ADH7: variants seen among roughly 807,000 people sequenced by gnomAD.
ADH7 encodes the protein alcohol dehydrogenase 7 (class IV), mu or sigma polypeptide.
Under a neutral mutation model 34.4 loss-of-function variants are expected in ADH7, and 41 were observed. That is an observed-to-expected ratio of 1.19 (90% confidence interval 0.93 to 1.55). The LOEUF is 1.55. Among genes scored for constraint, ADH7 ranks in the 40% most tolerant of loss-of-function variants. ADH7 has a pLI of 0.00. For missense variants in ADH7, 540 were observed against 461.2 expected (o/e 1.17, Z -1.56); for synonymous variants, 180 against 160.9 (o/e 1.12, Z -0.90).
chr4:99,427,219 A>G (rs908649848), intron 5 of ADH7, among the ~76,000 whole-genome samples: 1 of 152,228 alleles, frequency 6.6e-6, no homozygotes, highest in Non-Finnish European at 1.5e-5. Context: ...TAACAGCATT[A>G]CTGATAATAG....
intron 8 of ADH7, 119 bp from the exon 9 acceptor site, chr4:99,413,291 A>ACCACT: frequency 8.7e-7 from 1 of 1,145,636 alleles, no homozygotes; most frequent in Non-Finnish European, 1.3e-6. Flanking sequence ...GTTATTGGAA[A>ACCACT]TCCTCTGGGC....
At chr4:99,414,492 T>C (rs1560559091) in intron 8 of ADH7, among the ~76,000 whole-genome samples, 1 of 152,104 alleles carries the variant, frequency 6.6e-6, no homozygotes, top group Non-Finnish European at 1.5e-5. Flanking sequence ...CTCCATGAGG[T>C]AGATGTTGTA....
At chr4:99,432,152 A>G (rs1327479228) in intron 1 of ADH7, among the ~76,000 whole-genome samples, 1 of 152,138 alleles carries the variant, frequency 6.6e-6, no homozygotes, top group Non-Finnish European at 1.5e-5. Flanking sequence ...AAATAAGATC[A>G]TATTCTTTGC....
chr4:99,426,695 C>T (rs978214520), intron 5 of ADH7, among the ~76,000 whole-genome samples: 14 of 152,166 alleles, frequency 9.2e-5, no homozygotes, highest in Non-Finnish European at 2.1e-4. Flanking sequence ...AGGGAATCCT[C>T]CCTAACTCAT....
intron 1 of ADH7, among the ~76,000 whole-genome samples, chr4:99,430,684 C>T (rs1721919074): frequency 6.6e-6 from 1 of 152,146 alleles, no homozygotes; most frequent in Admixed American, 6.6e-5. Flanking sequence ...TTACCCTCTG[C>T]CTTACTAATG....
In ADH7 at chr4:99,413,082, G is replaced by A. The variant is rs1325965648; in HGVS notation, c.*66C>T. 12 of 1,512,606 alleles carry A rather than the reference G, an allele frequency of 7.9e-6. No individual in the cohort carries two copies. The highest frequency in any genetic ancestry group is 1.4e-5 in the African/African-American group (1 of 72,348). The allele number at this position is 1,512,606 out of a possible 1,614,324, so 93.7% of individuals were successfully genotyped here. The stretch of plus-strand genomic sequence containing the variant: ...GTGAGACAGATACATGATTTCAGAT[G>A]AGGGAACTCTCACAAGAGAAACTCC... On this transcript the variant is annotated 3_prime_UTR_variant, in exon 9 of 9. Coordinates refer to ENST00000437033, the MANE Select transcript of ADH7 (RefSeq NM_000673.7).
Position 99,429,561 on chromosome 4 carries a change from G to A in ADH7, c.91C>T (p.Pro31Ser). 3 of 1,612,124 alleles carry A rather than the reference G, an allele frequency of 1.9e-6. No individual in the cohort carries two copies. Among genetic ancestry groups the A allele is most frequent in the Non-Finnish European group, 2.5e-6 (3 of 1,179,064 alleles). ...PFSIEEIEVA[P>S]PKTKEVRIKI... ...ATGCGAACTTCTTTAGTCTTTGGTGGGGCAACTTCTATTTCCTCAATGGAG... is the reference window on the plus strand; with the variant it reads ...ATGCGAACTTCTTTAGTCTTTGGTGAGGCAACTTCTATTTCCTCAATGGAG... Residue 31 changes from proline to serine, a missense_variant, in exon 2 of 9, where the codon CCA becomes TCA. Physicochemically the swap from Pro to Ser is moderately conservative, Grantham distance 74. Transcript: ENST00000437033.
chr4:99,426,740 G>A (rs1187866869), intron 5 of ADH7, among the ~76,000 whole-genome samples: 1 of 152,072 alleles, frequency 6.6e-6, no homozygotes, highest in East Asian at 1.9e-4. Context: ...TATCAAAGCT[G>A]GGTAGAGACA....
chr4:99,425,710 C>G (rs1162917350), intron 5 of ADH7, among the ~76,000 whole-genome samples: 14 of 148,958 alleles, frequency 9.4e-5, no homozygotes, highest in Admixed American at 2.7e-4. Context: ...CCAAGTGGAC[C>G]TAATAGACAT....
intron 8 of ADH7, among the ~76,000 whole-genome samples, chr4:99,414,543 C>A (rs1418337482): frequency 6.6e-6 from 1 of 152,094 alleles, no homozygotes. Context: ...TCTATCCTTG[C>A]CCAACCCTCA....
rs1392629907 is a variant in ADH7 at position 99,413,062 on chromosome 4, A to G, written c.*86T>C. The G allele has an allele frequency of 1.5e-6, 2 of 1,358,810 alleles. No homozygotes were observed. The highest frequency in any genetic ancestry group is 2.1e-6 in the Non-Finnish European group (2 of 955,836). 84.2% of individuals were successfully genotyped at this position (1,358,810 alleles called of 1,614,324 possible). A position where few individuals can be genotyped will look rare whatever the true frequency, so the allele number is the denominator to read the frequency against. ...TTCTACTTATGCTTGTATTTGTGAG[A>G]CAGATACATGATTTCAGATGAGGGA... is the stretch of plus-strand genomic sequence containing the variant. On this transcript the variant is annotated 3_prime_UTR_variant, in exon 9 of 9. Transcript: ENST00000437033.
At chr4:99,423,155 G>A (rs1287381475) in intron 5 of ADH7, among the ~76,000 whole-genome samples, 1 of 150,450 alleles carries the variant, frequency 6.6e-6, no homozygotes, top group Non-Finnish European at 1.5e-5. Flanking sequence ...GTGATAGTTT[G>A]CTGAGAATGA....
chr4:99,417,313 T>C (rs1721542495), intron 7 of ADH7, among the ~76,000 whole-genome samples: 1 of 152,190 alleles, frequency 6.6e-6, no homozygotes, highest in Non-Finnish European at 1.5e-5. Flanking sequence ...TGACTGTTCT[T>C]CTGTCCTCAC....
At chr4:99,428,709 G>T in intron 2 of ADH7, 79 bp from the exon 3 acceptor site, 1 of 1,498,024 alleles carries the variant, frequency 6.7e-7, no homozygotes, top group Non-Finnish European at 9.0e-7. Context: ...ACTTCTTGAA[G>T]AAATTATAAT....
intron 1 of ADH7, among the ~76,000 whole-genome samples, chr4:99,430,642 G>T (rs528272969): frequency 6.6e-6 from 1 of 152,068 alleles, no homozygotes; most frequent in African/African-American, 2.4e-5. Context: ...ACAGATGGGC[G>T]GCTGAAAGCC....
At chr4:99,421,771 G>A (rs1721669506) in intron 5 of ADH7, among the ~76,000 whole-genome samples, 1 of 152,074 alleles carries the variant, frequency 6.6e-6, no homozygotes, top group African/African-American at 2.4e-5. Context: ...GGTCTAATAT[G>A]CAGAATTTAC....
intron 7 of ADH7, among the ~76,000 whole-genome samples, chr4:99,416,862 A>T (rs1422697479): frequency 1.3e-5 from 2 of 151,910 alleles, no homozygotes; most frequent in East Asian, 3.9e-4. Context: ...TACCACTTCC[A>T]CCCTAGCCCC....
chr4:99,433,070 A>T (rs1422914502), intron 1 of ADH7, among the ~76,000 whole-genome samples: 3 of 152,202 alleles, frequency 2.0e-5, no homozygotes, highest in African/African-American at 7.2e-5. Context: ...TCAACCCTTT[A>T]GAAAGTAATT....
At chr4:99,416,113 C>T (rs980508958) in intron 7 of ADH7, among the ~76,000 whole-genome samples, 9 of 152,110 alleles carry the variant, frequency 5.9e-5, no homozygotes, top group African/African-American at 2.2e-4. Flanking sequence ...ACGTTCTGCA[C>T]ATGTATCCCA....
Sources: gnomAD v4.1 joint callset for allele counts (sites outside exome capture counted in the v4.1 genomes callset) on GRCh38, gnomAD v4.1.1 for gene constraint, MANE v1.5 for transcripts, NCBI Gene and HGNC (gene_info 2026-07-23, HGNC 2026-07-21) for gene names.